CRMP1: variants seen among roughly 807,000 people sequenced by gnomAD.
The protein encoded by CRMP1 is dihydropyrimidinase-related protein 1.
A neutral mutation model predicts 68.3 loss-of-function variants in CRMP1; 19 were observed. The observed-to-expected ratio is 0.28, with a 90% confidence interval of 0.19 to 0.41. CRMP1 has a LOEUF of 0.41. Ranked by LOEUF, CRMP1 falls within the 10% of genes least tolerant of loss-of-function variation. CRMP1 has a pLI of 1.00. For synonymous variants in CRMP1, 439 were observed against 399.6 expected (o/e 1.10, Z -1.18); for missense variants, 791 against 967.4 (o/e 0.82, Z 2.42).
At chr4:5,828,443 G>A (rs377040257) in intron 12 of CRMP1, 46 bp downstream of exon 12, 62 of 1,592,630 alleles carry the variant, frequency 3.9e-5, no homozygotes, top group Middle Eastern at 3.7e-4. Flanking sequence ...AGACGCTGTC[G>A]GCTCTGGTCC....
intron 13 of CRMP1, among the ~76,000 whole-genome samples, chr4:5,823,052 A>G (rs536645705): frequency 1.3e-5 from 2 of 152,148 alleles, no homozygotes; most frequent in East Asian, 3.9e-4. Flanking sequence ...TTTTTTTACT[A>G]GCTGCAGAAC....
rs534012802 is a variant in CRMP1 at position 5,860,199 on chromosome 4, A to G, written c.655+827T>C. On this transcript the variant is annotated intron_variant, in intron 3 of 13. Transcript: ENST00000324989. This position sits in a 1 kb window ranked among gnomAD's most constrained non-coding sequence, Gnocchi z 4.2. ...TCGGCCACATGACTGACCTTGGCCA[A>G]TGGAATGTGGGTGGAAGTTGCAGCA... is the stretch of plus-strand genomic sequence containing the variant. Among the ~76,000 whole-genome samples, 3 of 152,204 alleles carry G rather than the reference A, an allele frequency of 2.0e-5. No individual in the cohort carries two copies. Among genetic ancestry groups the G allele is most frequent in the African/African-American group, 7.2e-5 (3 of 41,546 alleles).
intron 3 of CRMP1, among the ~76,000 whole-genome samples, chr4:5,857,878 G>A (rs1713249931): frequency 6.6e-6 from 1 of 151,914 alleles, no homozygotes; most frequent in Admixed American, 6.6e-5. Context: ...AGATGAGAAA[G>A]GGGAGCCTGC....
At chr4:5,887,609 G>A in intron 1 of CRMP1, 2 of 984,988 alleles carry the variant, frequency 2.0e-6, no homozygotes, top group African/African-American at 1.7e-5. Flanking sequence ...GCCCAGCGTC[G>A]GGAACATTAA....
chr4:5,886,777 A>G (rs1715624344), intron 1 of CRMP1, among the ~76,000 whole-genome samples: 1 of 152,210 alleles, frequency 6.6e-6, no homozygotes, highest in Non-Finnish European at 1.5e-5. Flanking sequence ...TTGTTCAAAT[A>G]TCACCTGCCT....
rs558140813 is a variant in CRMP1, at chr4:5,851,876, G to A, written c.821-407C>T. Among the ~76,000 whole-genome samples, 11 of 128,760 alleles carry A rather than the reference G, an allele frequency of 8.5e-5. No homozygotes were observed. In the East Asian group the frequency reaches 2.1e-3, roughly 25 times the overall value. 84.5% of individuals were successfully genotyped at this position (128,760 alleles called of 152,430 possible). ...AGGAAGAGGAGCAGGAGGAGGAAGA[G>A]GAAGAGGAAGAGGAGGAGGAAGAAA... On this transcript the variant is annotated intron_variant, in intron 4 of 13. Transcript: ENST00000324989.
intron 9 of CRMP1, among the ~76,000 whole-genome samples, chr4:5,837,322 C>T (rs149102497): frequency 6.6e-6 from 1 of 152,028 alleles, no homozygotes; most frequent in East Asian, 1.9e-4. Context: ...GAGCTGAACA[C>T]CTAAGACAAT....
At chr4:5,876,152 C>CA (rs1243675916) in intron 1 of CRMP1, among the ~76,000 whole-genome samples, 23,541 of 134,134 alleles carry the variant, frequency 0.18, 3,455 homozygotes, top group African/African-American at 0.42. Context: ...GACTCCATCT[C>CA]AAAAAAAAAA....
chr4:5,851,190 C>A (rs41264679), intron 5 of CRMP1, among the ~76,000 whole-genome samples: 16,182 of 152,262 alleles, frequency 0.11, 990 homozygotes, highest in African/African-American at 0.16. Context: ...GCCACCAAAC[C>A]AGGGAACCCC....
intron 1 of CRMP1, among the ~76,000 whole-genome samples, chr4:5,878,768 A>G (rs1278222632): frequency 6.6e-6 from 1 of 152,034 alleles, no homozygotes; most frequent in Admixed American, 6.6e-5. Flanking sequence ...ATGTGAAATG[A>G]ATTAACCCAC....
Position 5,892,898 on chromosome 4 carries a change from C to T in CRMP1, c.72G>A (p.Ala24=). The T allele has an allele frequency of 7.3e-7, 1 of 1,378,342 alleles. No individual in the cohort carries two copies. The highest frequency in any genetic ancestry group is 1.5e-5 in the South Asian group (1 of 66,618). The allele number at this position is 1,378,342 out of a possible 1,614,324, so 85.4% of individuals were successfully genotyped here. ...CGTACTTCTGGCGCGGGGTCTGCGCCGCGCTGCCCGGCCGCGCCAGGTACA... is the reference window on the plus strand; with the variant it reads ...CGTACTTCTGGCGCGGGGTCTGCGCTGCGCTGCCCGGCCGCGCCAGGTACA... ...LPVYLARPGS[A]AQTPRQKYGG... Residue 24 remains alanine (A), a synonymous_variant, in exon 1 of 14, where the codon GCG becomes GCA. Transcript: ENST00000324989. This position sits in a 1 kb window ranked among gnomAD's most constrained non-coding sequence, Gnocchi z 8.6.
intron 8 of CRMP1, 69 bp from the exon 9 acceptor site, chr4:5,839,747 A>C: frequency 6.7e-7 from 1 of 1,495,418 alleles, no homozygotes; most frequent in Non-Finnish European, 9.0e-7. Flanking sequence ...AAAGGCACAA[A>C]ATTGGAAGAC....
intron 1 of CRMP1, among the ~76,000 whole-genome samples, chr4:5,874,599 T>C (rs775132948): frequency 5.3e-5 from 8 of 151,952 alleles, no homozygotes; most frequent in Non-Finnish European, 8.8e-5. Context: ...TAGCAGATGT[T>C]TGCTGGGCAG....
chr4:5,859,440 C>A lies in CRMP1; in HGVS notation c.655+1586G>T, dbSNP rs2152467310. ...TACTCCTTCCCCTGCCCTGTGCAGT[C>A]CTCCTGAACCCAGAACTTCCATGCC... On this transcript the variant is annotated intron_variant, in intron 3 of 13. Transcript: ENST00000324989. This position sits in a 1 kb window ranked among gnomAD's most constrained non-coding sequence, Gnocchi z 5.2. Among the ~76,000 whole-genome samples the A allele has an allele frequency of 6.6e-6, 1 of 152,334 alleles. No homozygotes were observed. Among genetic ancestry groups the A allele is most frequent in the Non-Finnish European group, 1.5e-5 (1 of 68,034 alleles).
intron 1 of CRMP1, among the ~76,000 whole-genome samples, chr4:5,878,081 C>T (rs558059590): frequency 1.3e-5 from 2 of 152,320 alleles, no homozygotes; most frequent in South Asian, 2.1e-4. Flanking sequence ...CATGGGTTTT[C>T]ATTTTTAATT....
Position 5,825,572 on chromosome 4 carries a change from G to A in CRMP1, c.1891C>T (p.Pro631Ser). ...TTAGAAGGCGAAGATTTGGCTGAAGGAGCGGGAGTTGCATATTTGGGTGTA... is the reference window on the plus strand; with the variant it reads ...TTAGAAGGCGAAGATTTGGCTGAAGAAGCGGGAGTTGCATATTTGGGTGTA... ...PATPKYATPA[P>S]SAKSSPSKHQ... Residue 631 changes from proline (P) to serine (S), a missense_variant, in exon 13 of 14, where the codon CCT becomes TCT. Pro to Ser is a moderately conservative substitution (Grantham distance 74). Coordinates refer to ENST00000324989, the MANE Select transcript of CRMP1 (RefSeq NM_001014809.3). The surrounding 1 kb of genome is among the most constrained non-coding windows in gnomAD (Gnocchi z 4.4). 13 of 1,601,882 alleles carry A rather than the reference G, an allele frequency of 8.1e-6. No individual in the cohort carries two copies. Among genetic ancestry groups the A allele is most frequent in the South Asian group, 3.4e-5 (3 of 88,842 alleles).
chr4:5,837,793 C>A (rs1720830257), intron 9 of CRMP1, among the ~76,000 whole-genome samples: 1 of 151,956 alleles, frequency 6.6e-6, no homozygotes, highest in Non-Finnish European at 1.5e-5. Flanking sequence ...TTAGCAATTG[C>A]CTAGATGCAG....
Position 5,861,273 on chromosome 4 carries a change from C to G in CRMP1, c.471-63G>C, listed in dbSNP as rs377170107. 4.0e-6 allele frequency: 6 copies of G among 1,508,392 alleles called. No individual in the cohort carries two copies. Among genetic ancestry groups the G allele is most frequent in the South Asian group, 1.2e-5 (1 of 82,698 alleles). The allele number at this position is 1,508,392 out of a possible 1,614,324, so 93.4% of individuals were successfully genotyped here. A position where few individuals can be genotyped will look rare whatever the true frequency, so the allele number is the denominator to read the frequency against. On this transcript the variant is annotated intron_variant, in intron 2 of 13. Transcript: ENST00000324989. The surrounding 1 kb of genome is among the most constrained non-coding windows in gnomAD (Gnocchi z 6.0). ...GGAAAAGTAGAATGGGCAGTCAACC[C>G]GCAGCTTCAGTTCCATGAAATAAAC...
In CRMP1 at chr4:5,872,072, G is replaced by C. The variant is rs1395379508; in HGVS notation, c.382-5316C>G. On this transcript the variant is annotated intron_variant, in intron 1 of 13. Coordinates refer to ENST00000324989, the MANE Select transcript of CRMP1 (RefSeq NM_001014809.3). This position sits in a 1 kb window ranked among gnomAD's most constrained non-coding sequence, Gnocchi z 4.6. ...ATTCCAGCCACCAAGCCATGCTTCT[G>C]TCCCATGTTTAAACATTCCCAAACT... Among the ~76,000 whole-genome samples, 1 of 152,110 alleles carries C rather than the reference G, an allele frequency of 6.6e-6. No homozygotes were observed. The highest frequency in any genetic ancestry group is 6.5e-5 in the Admixed American group (1 of 15,272).
Sources: allele counts gnomAD v4.1 joint callset (sites outside exome capture counted in the v4.1 genomes callset), GRCh38; gene constraint gnomAD v4.1.1; non-coding constraint Gnocchi (gnomAD v3.1); transcripts MANE v1.5; gene names NCBI Gene and HGNC (gene_info 2026-07-23, HGNC 2026-07-21).